KCTD19: variants seen among roughly 807,000 people sequenced by gnomAD.
KCTD19 encodes BTB/POZ domain-containing protein KCTD19.
Under a neutral mutation model 103.5 loss-of-function variants are expected in KCTD19, and 67 were observed. The ratio of observed to expected loss-of-function variants is 0.65; its 90% CI spans 0.53 to 0.79. The LOEUF is 0.79. Among genes scored for constraint, KCTD19 ranks in the 30% least tolerant of loss-of-function variants. The pLI, the probability that KCTD19 is intolerant of heterozygous loss-of-function variation, is 0.00. For synonymous variants in KCTD19, 439 were observed against 452.2 expected, an observed-to-expected ratio of 0.97 and a Z score of 0.37; for missense variants, 980 against 1,136.1, an observed-to-expected ratio of 0.86 and a Z score of 1.98.
At chr16:67,324,885 GAA>G (rs1212120027) in intron 1 of KCTD19, among the ~76,000 whole-genome samples, 3 of 152,242 alleles carry the variant, frequency 2.0e-5, no homozygotes, top group African/African-American at 7.2e-5. Flanking sequence ...AGCAGAGCCA[GAA>G]AAGTCAATCT....
chr16:67,325,207 C>CTTTTTTTTT (rs10695930), intron 1 of KCTD19, among the ~76,000 whole-genome samples: 128 of 113,132 alleles, frequency 1.1e-3, no homozygotes, highest in African/African-American at 3.2e-3. Flanking sequence ...TTCTTTTTTT[C>CTTTTTTTTT]TTTTTTTTTT....
At chr16:67,310,496 C>T (rs16957316) in intron 2 of KCTD19, among the ~76,000 whole-genome samples, 35,458 of 152,044 alleles carry the variant, frequency 0.23, 8,233 homozygotes, top group African/African-American at 0.6. Flanking sequence ...TCACATGTTA[C>T]GACCTGGAAA....
intron 1 of KCTD19, 139 bp from the exon 2 acceptor site, chr16:67,321,024 A>C (rs1385832755): frequency 1.2e-6 from 1 of 802,938 alleles, no homozygotes; most frequent in Non-Finnish European, 1.9e-6. Flanking sequence ...TTCACCAGAA[A>C]ACTATTAGAA....
At chr16:67,326,272 C>T (rs1218396176) in intron 1 of KCTD19, among the ~76,000 whole-genome samples, 1 of 152,146 alleles carries the variant, frequency 6.6e-6, no homozygotes, top group Non-Finnish European at 1.5e-5. Flanking sequence ...GCTCTAAAGA[C>T]AGGACCCCAA....
At position 67,294,712 on chromosome 16, in the gene KCTD19, G is replaced by C; in HGVS notation, c.1476-18C>G. 1.9e-6 allele frequency: 3 copies of C among 1,561,888 alleles called. No homozygotes were observed. Among genetic ancestry groups the C allele is most frequent in the South Asian group, 2.2e-5 (2 of 90,014 alleles). Reference sequence around the variant, plus strand: ...TCCATGACCTGCAGAAACCAAGAGGGGTTGGTTAGTGAGTAGAGACTTCCA... The same window carrying C: ...TCCATGACCTGCAGAAACCAAGAGGCGTTGGTTAGTGAGTAGAGACTTCCA... On this transcript the variant is annotated intron_variant, in intron 10 of 15. Transcript: ENST00000304372.
Position 67,304,559 on chromosome 16 carries a change from G to C in KCTD19, c.313C>G (p.Leu105Val), listed in dbSNP as rs768967610. 4 of 1,613,790 alleles carry C rather than the reference G, an allele frequency of 2.5e-6. No individual in the cohort carries two copies. The highest frequency in any genetic ancestry group is 2.7e-5 in the African/African-American group (2 of 74,908). The part of the protein sequence containing the change: ...LMPLLQTLDN[L>V]KEGKHHLRVR... ...CGTAGATGGTGTTTCCCTTCCTTCA[G>C]GTTATCTAGAGTCTGTTAGATAATG... is the stretch of plus-strand genomic sequence containing the variant. Residue 105 changes from leucine (L) to valine (V), a missense_variant, in exon 3 of 16, where the codon CTG becomes GTG. Physicochemically the swap from Leu to Val is conservative, Grantham distance 32. Coordinates refer to ENST00000304372, the MANE Select transcript of KCTD19 (RefSeq NM_001100915.3).
chr16:67,294,693 A>T lies in KCTD19; in HGVS notation c.1477T>A (p.Ser493Thr). The change falls in exon 11 of 16, where the codon TCA becomes ACA. Residue 493 changes from serine to threonine, a missense_variant and splice_region_variant. Ser to Thr is a moderately conservative substitution (Grantham distance 58, BLOSUM62 1). Coordinates refer to ENST00000304372, the MANE Select transcript of KCTD19 (RefSeq NM_001100915.3). ...EALAQCEAYK[S>T]WTQEKESENE... Reference sequence around the variant, plus strand: ...TCAGATTCTTTCTCCTGAGTCCATGACCTGCAGAAACCAAGAGGGGTTGGT... The same window carrying T: ...TCAGATTCTTTCTCCTGAGTCCATGTCCTGCAGAAACCAAGAGGGGTTGGT... 1 of 1,608,110 alleles carries T rather than the reference A, an allele frequency of 6.2e-7. No individual in the cohort carries two copies. Among genetic ancestry groups the T allele is most frequent in the Non-Finnish European group, 8.5e-7 (1 of 1,174,484 alleles).
Position 67,299,497 on chromosome 16 carries a change from T to C in KCTD19, c.852A>G (p.Lys284=), listed in dbSNP as rs756694378. The change falls in exon 6 of 16, where the codon AAA becomes AAG. Residue 284 remains lysine, a synonymous_variant. Transcript: ENST00000304372. ...GARTASLESV[K]PLYTMALGLL... is the part of the protein sequence containing the mutation. ...GACCCAGGGCCATTGTGTAGAGCGG[T>C]TTCACGGACTCCAGGCTGGCTGTGC... 1.2e-6 allele frequency: 2 copies of C among 1,613,308 alleles called. No homozygotes were observed. The highest frequency in any genetic ancestry group is 4.5e-5 in the East Asian group (2 of 44,814).
intron 9 of KCTD19, 36 bp downstream of exon 9, chr16:67,295,227 C>T (rs779337309): frequency 8.7e-6 from 14 of 1,608,954 alleles, no homozygotes; most frequent in African/African-American, 8.0e-5. Flanking sequence ...GGTCAGCCTT[C>T]GTGATTTCAT....
chr16:67,314,008 T>C (rs1336216477), intron 2 of KCTD19, among the ~76,000 whole-genome samples: 1 of 152,052 alleles, frequency 6.6e-6, no homozygotes, highest in East Asian at 1.9e-4. Context: ...AGGCACATGC[T>C]ACCATGCCTG....
intron 12 of KCTD19, among the ~76,000 whole-genome samples, chr16:67,292,387 C>T (rs2036709942): frequency 6.6e-6 from 1 of 152,194 alleles, no homozygotes; most frequent in African/African-American, 2.4e-5. Flanking sequence ...GGCATCACTG[C>T]AAGCCAAATC....
At chr16:67,322,717 A>C (rs1008078060) in intron 1 of KCTD19, among the ~76,000 whole-genome samples, 10 of 152,242 alleles carry the variant, frequency 6.6e-5, no homozygotes, top group Non-Finnish European at 1.5e-4. Flanking sequence ...ATGGAACTTA[A>C]TCAAAATTTA....
At chr16:67,317,709 C>G (rs1320234791) in intron 2 of KCTD19, among the ~76,000 whole-genome samples, 3 of 151,972 alleles carry the variant, frequency 2.0e-5, no homozygotes, top group Non-Finnish European at 4.4e-5. Flanking sequence ...TTTCTTTTTA[C>G]TGTTTTAGAT....
Position 67,323,237 on chromosome 16 carries a change from C to A in KCTD19, c.4-2352G>T, listed in dbSNP as rs547367384. 1.3e-5 allele frequency among the ~76,000 whole-genome samples: 2 copies of A among 152,206 alleles called. No individual in the cohort carries two copies. The highest frequency in any genetic ancestry group is 4.8e-5 in the African/African-American group (2 of 41,522). On this transcript the variant is annotated intron_variant, in intron 1 of 15. Transcript: ENST00000304372. The surrounding 1 kb of genome is among the most constrained non-coding windows in gnomAD (Gnocchi z 4.1). ...AGACAAATAAAGACATATGTCCACACCAAAATTTCTAGACTAATGTTCATA... is the reference window on the plus strand; with the variant it reads ...AGACAAATAAAGACATATGTCCACAACAAAATTTCTAGACTAATGTTCATA...
chr16:67,293,441 G>C lies in KCTD19; in HGVS notation c.2218+103C>G, dbSNP rs931365634. On this transcript the variant is annotated intron_variant, in intron 12 of 15. Transcript: ENST00000304372. The surrounding 1 kb of genome is among the most constrained non-coding windows in gnomAD (Gnocchi z 4.0). ...ACAGAGATGGCATTGGTGAGCGGGG[G>C]GGTCTAGTCCTCCTTTGTCACTAAC... is the stretch of plus-strand genomic sequence containing the variant. 1 of 1,268,724 alleles carries C rather than the reference G, an allele frequency of 7.9e-7. No homozygotes were observed. The highest frequency in any genetic ancestry group is 1.5e-5 in the African/African-American group (1 of 66,990). 78.6% of individuals were successfully genotyped at this position (1,268,724 alleles called of 1,614,324 possible).
chr16:67,315,391 C>T (rs1248361930), intron 2 of KCTD19, among the ~76,000 whole-genome samples: 3 of 151,314 alleles, frequency 2.0e-5, no homozygotes, highest in African/African-American at 7.3e-5. Flanking sequence ...CTGCAACCTC[C>T]ACATCCTGGA....
chr16:67,291,966 C>T, intron 12 of KCTD19, 129 bp from the exon 13 acceptor site: 1 of 533,806 alleles, frequency 1.9e-6, no homozygotes, highest in Non-Finnish European at 3.1e-6. Flanking sequence ...CTCTGCCTCC[C>T]AGGTTCCAGC....
intron 15 of KCTD19, among the ~76,000 whole-genome samples, 160 bp downstream of exon 15, chr16:67,290,725 G>T (rs2036677127): frequency 6.6e-6 from 1 of 152,208 alleles, no homozygotes; most frequent in Non-Finnish European, 1.5e-5. Context: ...ACTCTGGATT[G>T]GTTAATTTCA....
chr16:67,314,648 G>A (rs1303833892), intron 2 of KCTD19, among the ~76,000 whole-genome samples: 1 of 150,572 alleles, frequency 6.6e-6, no homozygotes, highest in Non-Finnish European at 1.5e-5. Flanking sequence ...GAACTCCTAA[G>A]CTCAAGGGAT....
Sources: allele counts gnomAD v4.1 joint callset (sites outside exome capture counted in the v4.1 genomes callset), GRCh38; gene constraint gnomAD v4.1.1; non-coding constraint Gnocchi (gnomAD v3.1); transcripts MANE v1.5; gene names NCBI Gene and HGNC (gene_info 2026-07-23, HGNC 2026-07-21).